The following IGF1R variants were observed in gnomAD, a reference collection of about 807,000 sequenced individuals.
The protein encoded by IGF1R is insulin-like growth factor 1 receptor.
In IGF1R, 44 loss-of-function variants were observed where a neutral mutation model predicts 144.6. That is an observed-to-expected ratio of 0.30 (90% CI 0.24 to 0.39). The LOEUF is 0.39. IGF1R is among the 10% of genes least tolerant of loss of function. IGF1R has a pLI of 1.00. For synonymous variants in IGF1R, 795 were observed against 722.8 expected (o/e 1.10, Z -1.60); for missense variants, 1,355 against 1,833.7 (o/e 0.74, Z 4.77).
At chr15:98,869,480 G>A (rs1355733099) in intron 2 of IGF1R, among the ~76,000 whole-genome samples, 1 of 149,414 alleles carries the variant, frequency 6.7e-6, no homozygotes, top group Non-Finnish European at 1.5e-5. Flanking sequence ...TGTTGCCCAG[G>A]CTGGAGTGCA....
Position 98,869,596 on chromosome 15 carries a change from C to T in IGF1R, c.641-21729C>T, listed in dbSNP as rs573669182. On this transcript the variant is annotated intron_variant, in intron 2 of 20. Transcript: ENST00000650285. ...GATTACAGGCATGTGCCACCACACT[C>T]GGCTAATTTTGTGTTTTTAGTAGAG... Among the ~76,000 whole-genome samples, 7 of 152,218 alleles carry T rather than the reference C, an allele frequency of 4.6e-5. No homozygotes were observed. In the South Asian group the frequency reaches 6.2e-4, roughly 14 times the overall value.
At chr15:98,899,835 C>G (rs1425645048) in intron 5 of IGF1R, among the ~76,000 whole-genome samples, 4 of 152,170 alleles carry the variant, frequency 2.6e-5, no homozygotes, top group African/African-American at 9.7e-5. Context: ...GATGTTATCA[C>G]CCTTACTGGA....
intron 2 of IGF1R, among the ~76,000 whole-genome samples, chr15:98,830,770 ATTTTTGTAT>A (rs1020071837): frequency 2.6e-5 from 4 of 151,974 alleles, no homozygotes; most frequent in African/African-American, 9.7e-5. Context: ...CACCCAGCTA[ATTTTTGTAT>A]TTTTAGTAAA....
intron 2 of IGF1R, among the ~76,000 whole-genome samples, chr15:98,779,741 C>G (rs1046714301): frequency 6.6e-6 from 1 of 152,194 alleles, no homozygotes; most frequent in African/African-American, 2.4e-5. Flanking sequence ...TGCGGGGAGC[C>G]GAGTCCGAGG....
chr15:98,851,207 C>A (rs957029697), intron 2 of IGF1R, among the ~76,000 whole-genome samples: 1 of 152,126 alleles, frequency 6.6e-6, no homozygotes, highest in Non-Finnish European at 1.5e-5. Flanking sequence ...GGCTGAGGAA[C>A]GGATGCTTGG....
At chr15:98,760,271 G>C (rs990833848) in intron 2 of IGF1R, among the ~76,000 whole-genome samples, 2 of 151,640 alleles carry the variant, frequency 1.3e-5, no homozygotes, top group African/African-American at 4.8e-5. Flanking sequence ...AGAATGGCTT[G>C]AACCTGGGAT....
chr15:98,650,887 GT>G, intron 1 of IGF1R: 1 of 983,778 alleles, frequency 1.0e-6, no homozygotes, highest in Non-Finnish European at 1.2e-6. Flanking sequence ...TCGGGTGGGG[GT>G]TAGTAGGGAA....
chr15:98,920,603 G>A (rs1399531620), intron 10 of IGF1R, among the ~76,000 whole-genome samples: 7 of 152,146 alleles, frequency 4.6e-5, no homozygotes, highest in Non-Finnish European at 7.4e-5. Context: ...TTTCCCTTCC[G>A]GGAAGCTTGG....
intron 3 of IGF1R, among the ~76,000 whole-genome samples, chr15:98,892,583 T>A (rs2013983638): frequency 6.6e-6 from 1 of 151,970 alleles, no homozygotes; most frequent in African/African-American, 2.4e-5. Context: ...TGCCCTTTTG[T>A]ACATGTCAAC....
chr15:98,737,823 G>GCC (rs2054647138), intron 2 of IGF1R, among the ~76,000 whole-genome samples: 1 of 152,124 alleles, frequency 6.6e-6, no homozygotes. Context: ...CGTCTTCTGT[G>GCC]CCTCTCTCTC....
At chr15:98,818,813 G>T (rs1000867856) in intron 2 of IGF1R, among the ~76,000 whole-genome samples, 6 of 151,618 alleles carry the variant, frequency 4.0e-5, no homozygotes, top group African/African-American at 1.5e-4. Context: ...GGGATTAGGG[G>T]GTGGGGAGAC....
intron 15 of IGF1R, 74 bp downstream of exon 15, chr15:98,930,379 T>C (rs2015893442): frequency 1.0e-6 from 1 of 990,514 alleles, no homozygotes; most frequent in Non-Finnish European, 1.6e-6. Flanking sequence ...GGTTGCTAAT[T>C]TGGGAAAGGA....
chr15:98,768,763 C>CAAAAAAAAA (rs72476452), intron 2 of IGF1R, among the ~76,000 whole-genome samples: 32 of 86,240 alleles, frequency 3.7e-4, no homozygotes, highest in South Asian at 9.8e-4. Context: ...ACTAAAAATA[C>CAAAAAAAAA]AAAAAAAAAA....
intron 1 of IGF1R, chr15:98,660,644 G>A (rs2052577637): frequency 6.6e-6 from 1 of 152,164 alleles, no homozygotes; most frequent in Admixed American, 6.5e-5. Flanking sequence ...CATGGAACTT[G>A]AAAGCAATAA....
At chr15:98,699,565 A>C (rs1237902945) in intron 1 of IGF1R, among the ~76,000 whole-genome samples, 1 of 152,186 alleles carries the variant, frequency 6.6e-6, no homozygotes, top group Non-Finnish European at 1.5e-5. Context: ...ACAGCTCTGC[A>C]CCAATTCTGC....
At chr15:98,736,221 A>G (rs2054605167) in intron 2 of IGF1R, among the ~76,000 whole-genome samples, 1 of 152,238 alleles carries the variant, frequency 6.6e-6, no homozygotes, top group Non-Finnish European at 1.5e-5. Context: ...TGGTGAAGTT[A>G]CTAATGTGAA....
chr15:98,913,134 G>A lies in IGF1R; in HGVS notation c.1680G>A (p.Lys560=), dbSNP rs754035007. ...NMVDVDLPPN[K]DVEPGILLHG... is the part of the protein sequence containing the mutation. ...TGGACGTGGACCTCCCGCCCAACAA[G>A]GACGTGGAGCCCGGCATCTTACTAC... is the stretch of plus-strand genomic sequence containing the variant. Residue 560 remains lysine (K), a synonymous_variant, in exon 8 of 21, where the codon AAG becomes AAA. Transcript: ENST00000650285. 4.3e-6 allele frequency: 7 copies of A among 1,614,250 alleles called. No homozygotes were observed. The Admixed American group carries it at 1.2e-4, about 27-fold the overall frequency.
intron 2 of IGF1R, among the ~76,000 whole-genome samples, chr15:98,802,485 G>T (rs1041893680): frequency 6.6e-6 from 1 of 152,164 alleles, no homozygotes; most frequent in African/African-American, 2.4e-5. Flanking sequence ...GAGAACCTTG[G>T]AGGACTTAAG....
chr15:98,780,320 G>A (rs920482229), intron 2 of IGF1R, among the ~76,000 whole-genome samples: 1 of 151,778 alleles, frequency 6.6e-6, no homozygotes, highest in Non-Finnish European at 1.5e-5. Flanking sequence ...GGAGGCTGAG[G>A]CGGGTGGATC....
Sources: gnomAD v4.1 joint callset for allele counts (sites outside exome capture counted in the v4.1 genomes callset) on GRCh38, gnomAD v4.1.1 for gene constraint, MANE v1.5 for transcripts, NCBI Gene and HGNC (gene_info 2026-07-23, HGNC 2026-07-21) for gene names.